Variants in HSD17B12 observed in about 807,000 individuals in gnomAD.
The protein encoded by HSD17B12 is hydroxysteroid 17-beta dehydrogenase 12, also known as very-long-chain 3-oxoacyl-CoA reductase.
HSD17B12 carries 32 observed loss-of-function variants against 39.3 expected under a neutral mutation model. That is an observed-to-expected ratio of 0.81 (90% CI 0.61 to 1.09). HSD17B12 has a LOEUF of 1.09. Among genes scored for constraint, HSD17B12 ranks in the 50% least tolerant of loss-of-function variants. The probability of loss-of-function intolerance (pLI) is 0.00; values close to 1 mark genes in which losing one functional copy is unlikely to be tolerated. For missense variants in HSD17B12, 342 were observed against 382.9 expected, an observed-to-expected ratio of 0.89 and a Z score of 0.89; for synonymous variants, 150 against 146.7, an observed-to-expected ratio of 1.02 and a Z score of -0.16.
chr11:43,781,359 T>G (rs1950763914), intron 3 of HSD17B12, among the ~76,000 whole-genome samples: 2 of 152,150 alleles, frequency 1.3e-5, no homozygotes, highest in Non-Finnish European at 2.9e-5. Context: ...GAAGGTCATC[T>G]TTAGTGAAAA....
the HSD17B12 span, among the ~76,000 whole-genome samples, chr11:43,637,214 T>C: frequency 7.7e-6 from 1 of 130,444 alleles, no homozygotes; most frequent in Non-Finnish European, 1.6e-5. Flanking sequence ...ACTGGTGTTT[T>C]TCCTTTTTTT....
intron 3 of HSD17B12, among the ~76,000 whole-genome samples, chr11:43,772,828 C>T (rs1326613679): frequency 2.0e-5 from 3 of 152,006 alleles, no homozygotes; most frequent in East Asian, 3.9e-4. Context: ...AAAAAGCTTT[C>T]AGCCAGGCAT....
chr11:43,842,462 A>G (rs1035400834), intron 9 of HSD17B12, among the ~76,000 whole-genome samples: 1 of 152,146 alleles, frequency 6.6e-6, no homozygotes, highest in African/African-American at 2.4e-5. Flanking sequence ...TCCCATATGT[A>G]TAGGTTTCAT....
chr11:43,767,063 G>T (rs760145170), intron 3 of HSD17B12, among the ~76,000 whole-genome samples: 2 of 152,132 alleles, frequency 1.3e-5, no homozygotes, highest in African/African-American at 4.8e-5. Flanking sequence ...TCTACAGCTG[G>T]CATTAGGGAT....
At chr11:43,631,099 C>G in the HSD17B12 span, among the ~76,000 whole-genome samples, 3 of 152,188 alleles carry the variant, frequency 2.0e-5, 1 homozygote, top group Admixed American at 6.5e-5. Flanking sequence ...GCCATAGCGC[C>G]CGACCAATAA....
the HSD17B12 span, among the ~76,000 whole-genome samples, chr11:43,557,796 C>T: frequency 6.6e-6 from 1 of 152,082 alleles, no homozygotes; most frequent in African/African-American, 2.4e-5. Context: ...ACGGCTGGAG[C>T]TCAGCCAGGG....
chr11:43,771,462 CTTTTTTTT>C (rs34783257), intron 3 of HSD17B12, among the ~76,000 whole-genome samples: 3 of 90,640 alleles, frequency 3.3e-5, no homozygotes, highest in African/African-American at 9.0e-5. Context: ...GACTCATATT[CTTTTTTTT>C]TTTTTTTTTT....
chr11:43,775,997 C>T (rs1950699357), intron 3 of HSD17B12, among the ~76,000 whole-genome samples: 1 of 152,098 alleles, frequency 6.6e-6, no homozygotes, highest in South Asian at 2.1e-4. Flanking sequence ...TTTTCTTAAT[C>T]CAGTCTATCG....
At chr11:43,709,767 A>G (rs914516589) in intron 1 of HSD17B12, among the ~76,000 whole-genome samples, 6 of 152,220 alleles carry the variant, frequency 3.9e-5, no homozygotes, top group African/African-American at 1.4e-4. Flanking sequence ...TGAATTGACT[A>G]TGACTCCCCC....
At chr11:43,836,707 AGTGGTT>A (rs766545424) in intron 7 of HSD17B12, among the ~76,000 whole-genome samples, 8 of 152,160 alleles carry the variant, frequency 5.3e-5, no homozygotes, top group Non-Finnish European at 1.2e-4. Context: ...CTGTAACAAA[AGTGGTT>A]TTTCTATTTT....
intron 6 of HSD17B12, among the ~76,000 whole-genome samples, chr11:43,819,088 AAT>A (rs1170217718): frequency 1.3e-5 from 2 of 152,174 alleles, no homozygotes; most frequent in Non-Finnish European, 2.9e-5. Context: ...TTAATGATAA[AAT>A]ATGTTTGTTT....
chr11:43,564,689 C>A, the HSD17B12 span, among the ~76,000 whole-genome samples: 50 of 152,306 alleles, frequency 3.3e-4, 1 homozygote, highest in Admixed American at 3.3e-3. Context: ...ATTAACAATT[C>A]TCTTGAGTTA....
chr11:43,713,815 C>T (rs1381429981), intron 1 of HSD17B12, among the ~76,000 whole-genome samples: 1 of 152,138 alleles, frequency 6.6e-6, no homozygotes, highest in Non-Finnish European at 1.5e-5. Context: ...TAATGATTGC[C>T]ATTCTAACTG....
At position 43,712,058 on chromosome 11, in the gene HSD17B12, A is replaced by G. The variant is rs538773171; in HGVS notation, c.160+31071A>G. On this transcript the variant is annotated intron_variant, in intron 1 of 10. Coordinates refer to ENST00000278353, the MANE Select transcript of HSD17B12 (RefSeq NM_016142.3). ...CCCTCCAGCATTAACATCAACACAG[A>G]CCTTAAGTCTGATAAGAAACATTTA... Among the ~76,000 whole-genome samples, 7 of 152,236 alleles carry G rather than the reference A, an allele frequency of 4.6e-5. No homozygotes were observed. In the East Asian group the frequency reaches 1.2e-3, roughly 25 times the overall value.
chr11:43,606,046 G>A, the HSD17B12 span, among the ~76,000 whole-genome samples: 1 of 152,138 alleles, frequency 6.6e-6, no homozygotes, highest in African/African-American at 2.4e-5. Flanking sequence ...GACACAAGTA[G>A]GAAAGACTCT....
At chr11:43,635,042 G>A in the HSD17B12 span, among the ~76,000 whole-genome samples, 1 of 152,048 alleles carries the variant, frequency 6.6e-6, no homozygotes, top group Non-Finnish European at 1.5e-5. Context: ...GCCATGGTGT[G>A]TGCAATTTCC....
chr11:43,813,290 TA>T (rs200095716), intron 4 of HSD17B12, among the ~76,000 whole-genome samples: 4 of 152,016 alleles, frequency 2.6e-5, no homozygotes, highest in East Asian at 3.9e-4. Flanking sequence ...AGATTTTTTT[TA>T]AAAAAAATGA....
intron 1 of HSD17B12, among the ~76,000 whole-genome samples, chr11:43,740,414 G>C (rs1344022675): frequency 6.6e-6 from 1 of 152,166 alleles, no homozygotes; most frequent in Non-Finnish European, 1.5e-5. Context: ...GCCTATCATA[G>C]TTGCTTTAAT....
At chr11:43,705,748 T>C (rs1436313553) in intron 1 of HSD17B12, among the ~76,000 whole-genome samples, 4 of 102,394 alleles carry the variant, frequency 3.9e-5, no homozygotes, top group Non-Finnish European at 8.4e-5. Context: ...AATTTCTTTT[T>C]TTCCTCTCTC....
Sources: gnomAD v4.1 joint callset for allele counts (sites outside exome capture counted in the v4.1 genomes callset) on GRCh38, gnomAD v4.1.1 for gene constraint, MANE v1.5 for transcripts, NCBI Gene and HGNC (gene_info 2026-07-23, HGNC 2026-07-21) for gene names.